Variants in SCAPER observed in about 807,000 individuals in gnomAD.
The protein encoded by SCAPER is S-phase cyclin A associated protein in the ER.
A neutral mutation model predicts 182.2 loss-of-function variants in SCAPER; 98 were observed. The ratio of observed to expected loss-of-function variants is 0.54; its 90% CI spans 0.46 to 0.64. The LOEUF is 0.64. SCAPER is among the 30% of genes least tolerant of loss of function. The probability of loss-of-function intolerance (pLI) is 0.00; values close to 1 mark genes in which losing one functional copy is unlikely to be tolerated. For synonymous variants in SCAPER, 605 were observed against 564.6 expected, an observed-to-expected ratio of 1.07 and a Z score of -1.01; for missense variants, 1,432 against 1,690.0, an observed-to-expected ratio of 0.85 and a Z score of 2.68.
chr15:76,396,613 ATTGT>A (rs1003415513), intron 27 of SCAPER, among the ~76,000 whole-genome samples: 2 of 151,912 alleles, frequency 1.3e-5, no homozygotes, highest in African/African-American at 4.8e-5. Context: ...TGATTTCAAG[ATTGT>A]TTGTTGTTGG....
chr15:76,353,793 T>C lies in SCAPER; in HGVS notation c.4047+156A>G, dbSNP rs1175019898. ...AGTTCCAGTAATATTTCAGAAACTATGCTGATATTTTAGAAATCAATTTTG... is the reference window on the plus strand; with the variant it reads ...AGTTCCAGTAATATTTCAGAAACTACGCTGATATTTTAGAAATCAATTTTG... On this transcript the variant is annotated intron_variant, in intron 30 of 31. Transcript: ENST00000563290. Among the ~76,000 whole-genome samples the C allele has an allele frequency of 2.0e-5, 3 of 152,242 alleles. No homozygotes were observed. The East Asian group carries it at 5.8e-4, about 29-fold the overall frequency.
intron 2 of SCAPER, among the ~76,000 whole-genome samples, chr15:76,872,862 G>A (rs1358551446): frequency 6.6e-6 from 1 of 151,906 alleles, no homozygotes; most frequent in East Asian, 1.9e-4. Context: ...TTCACAAAAG[G>A]TGGAAGGGGA....
chr15:76,420,601 C>G (rs2045959873), intron 26 of SCAPER, among the ~76,000 whole-genome samples: 1 of 152,094 alleles, frequency 6.6e-6, no homozygotes, highest in Non-Finnish European at 1.5e-5. Context: ...TAAAATATCT[C>G]TACGTTGTTA....
At chr15:76,780,961 A>C (rs1047369412) in intron 8 of SCAPER, among the ~76,000 whole-genome samples, 33 of 152,282 alleles carry the variant, frequency 2.2e-4, no homozygotes, top group African/African-American at 7.2e-4. Context: ...AAATTCTAAA[A>C]ACCAGAGCGC....
At chr15:76,737,245 A>C (rs1014478220) in intron 15 of SCAPER, among the ~76,000 whole-genome samples, 2 of 152,164 alleles carry the variant, frequency 1.3e-5, no homozygotes, top group African/African-American at 4.8e-5. Context: ...AGTTGAAATT[A>C]CTCCTTGATC....
At chr15:76,845,128 T>G (rs1719617627) in intron 4 of SCAPER, among the ~76,000 whole-genome samples, 1 of 152,108 alleles carries the variant, frequency 6.6e-6, no homozygotes, top group Non-Finnish European at 1.5e-5. Flanking sequence ...AATCACACAA[T>G]CATTCCAATG....
At chr15:76,440,104 A>C (rs1229536486) in intron 25 of SCAPER, among the ~76,000 whole-genome samples, 2 of 152,222 alleles carry the variant, frequency 1.3e-5, no homozygotes, top group African/African-American at 2.4e-5. Flanking sequence ...TATAGAAAAA[A>C]ATCTTAGAAT....
At chr15:76,484,211 A>G (rs1015399135) in intron 24 of SCAPER, among the ~76,000 whole-genome samples, 5 of 152,174 alleles carry the variant, frequency 3.3e-5, no homozygotes, top group African/African-American at 4.8e-5. Flanking sequence ...CCTTAAATGC[A>G]TATTGCTAAG....
chr15:76,764,902 G>T, intron 14 of SCAPER, 59 bp downstream of exon 14: 1 of 973,772 alleles, frequency 1.0e-6, no homozygotes, highest in Non-Finnish European at 1.5e-6. Flanking sequence ...CAGAAGTAGA[G>T]TTGAAAATAA....
At chr15:76,676,799 A>G (rs2057394428) in intron 20 of SCAPER, among the ~76,000 whole-genome samples, 1 of 151,528 alleles carries the variant, frequency 6.6e-6, no homozygotes, top group African/African-American at 2.4e-5. Flanking sequence ...TTTGGGCATA[A>G]AAAGAAGAAA....
At position 76,491,870 on chromosome 15, in the gene SCAPER, T is replaced by C. The variant is rs1206932538; in HGVS notation, c.2954+12989A>G. ...TGGTCTTGAACTCTTGGCCTCAAGTTATCTGCCTGTCTTGGCCTCCCAAAG... is the reference window on the plus strand; with the variant it reads ...TGGTCTTGAACTCTTGGCCTCAAGTCATCTGCCTGTCTTGGCCTCCCAAAG... On this transcript the variant is annotated intron_variant, in intron 24 of 31. Coordinates refer to ENST00000563290, the MANE Select transcript of SCAPER (RefSeq NM_020843.4). 3.3e-5 allele frequency among the ~76,000 whole-genome samples: 5 copies of C among 152,236 alleles called. No individual in the cohort carries two copies. In the East Asian group the frequency reaches 9.7e-4, roughly 29 times the overall value.
chr15:76,718,588 C>A (rs1160349725), intron 17 of SCAPER, among the ~76,000 whole-genome samples: 1 of 151,364 alleles, frequency 6.6e-6, no homozygotes, highest in African/African-American at 2.4e-5. Flanking sequence ...CTGCAGTGAG[C>A]CAAAATCATG....
chr15:76,461,841 C>G (rs2049205974), intron 25 of SCAPER, among the ~76,000 whole-genome samples: 1 of 152,150 alleles, frequency 6.6e-6, no homozygotes. Context: ...TGCTATATTT[C>G]TCTTACAGGT....
Position 76,434,090 on chromosome 15 carries a change from T to C in SCAPER, c.3299A>G (p.Gln1100Arg), listed in dbSNP as rs747331280. Residue 1100 changes from glutamine (Q) to arginine (R), a missense_variant, in exon 26 of 32, where the codon CAG becomes CGG. Gln to Arg is a conservative substitution (Grantham distance 43, BLOSUM62 1). Transcript: ENST00000563290. ...SQGDPFNNRV[Q>R]DLISYVVNMG... is the part of the protein sequence containing the mutation. ...CTAGCAATTTTACCTGATAAGGTCC[T>C]GAACTCGATTGTTAAAAGGATCACC... The C allele has an allele frequency of 8.1e-6, 13 of 1,613,680 alleles. No homozygotes were observed. The highest frequency in any genetic ancestry group is 1.0e-5 in the Non-Finnish European group (12 of 1,179,660).
intron 5 of SCAPER, among the ~76,000 whole-genome samples, chr15:76,815,250 T>A (rs2151608437): frequency 6.6e-6 from 1 of 152,264 alleles, no homozygotes; most frequent in African/African-American, 2.4e-5. Flanking sequence ...CAAAAATCCC[T>A]CTTCTGAGTA....
chr15:76,386,023 T>C (rs886747488), intron 27 of SCAPER, among the ~76,000 whole-genome samples: 1 of 152,244 alleles, frequency 6.6e-6, no homozygotes, highest in East Asian at 1.9e-4. Context: ...GGGAAGAATC[T>C]GTTTCCTTGG....
intron 17 of SCAPER, among the ~76,000 whole-genome samples, chr15:76,723,927 A>T (rs906004879): frequency 2.0e-5 from 3 of 152,162 alleles, no homozygotes; most frequent in Non-Finnish European, 4.4e-5. Flanking sequence ...TTTACATTTA[A>T]GGTTAGTATT....
chr15:76,809,798 C>A (rs2066452997), intron 5 of SCAPER, among the ~76,000 whole-genome samples: 1 of 152,122 alleles, frequency 6.6e-6, no homozygotes, highest in African/African-American at 2.4e-5. Flanking sequence ...TACACTGAGA[C>A]ACATTATAAT....
rs1208920850 is a variant in SCAPER at position 76,857,874 on chromosome 15, G to A, written c.130C>T (p.Pro44Ser). Reference protein sequence around the residue: ...PLESKDDDGKPKCQTGGKSKR... With the variant: ...PLESKDDDGKSKCQTGGKSKR... ...GATTTTCCACCAGTTTGACATTTAG[G>A]TTTTCCTTCAAGGCAAGAAAAAAAT... The change falls in exon 4 of 32, where the codon CCT becomes TCT. Residue 44 changes from proline (P) to serine (S), a missense_variant. Pro to Ser is a moderately conservative substitution (Grantham distance 74). Coordinates refer to ENST00000563290, the MANE Select transcript of SCAPER (RefSeq NM_020843.4). The A allele has an allele frequency of 6.5e-7, 1 of 1,544,820 alleles. No homozygotes were observed. Among genetic ancestry groups the A allele is most frequent in the Admixed American group, 2.0e-5 (1 of 50,644 alleles).
Sources: gnomAD v4.1 joint callset for allele counts (sites outside exome capture counted in the v4.1 genomes callset) on GRCh38, gnomAD v4.1.1 for gene constraint, MANE v1.5 for transcripts, NCBI Gene and HGNC (gene_info 2026-07-23, HGNC 2026-07-21) for gene names.